Variants in ZMIZ1 observed in about 807,000 individuals in gnomAD.
ZMIZ1 encodes the protein zinc finger MIZ domain-containing protein 1.
A neutral mutation model predicts 113.9 loss-of-function variants in ZMIZ1; 17 were observed. That is an observed-to-expected ratio of 0.15 (90% CI 0.10 to 0.22). The LOEUF is 0.22. Ranked by LOEUF, ZMIZ1 falls within the 10% of genes least tolerant of loss-of-function variation. The pLI, the probability that ZMIZ1 is intolerant of heterozygous loss-of-function variation, is 1.00. For missense variants in ZMIZ1, 1,059 were observed against 1,477.8 expected, an observed-to-expected ratio of 0.72 and a Z score of 4.65; for synonymous variants, 607 against 603.1, an observed-to-expected ratio of 1.01 and a Z score of -0.09.
At chr10:79,253,676 G>T (rs550509333) in intron 7 of ZMIZ1, among the ~76,000 whole-genome samples, 1 of 152,300 alleles carries the variant, frequency 6.6e-6, no homozygotes, top group East Asian at 1.9e-4. Flanking sequence ...CACTGGCAAG[G>T]TCCTGTATCC....
intron 24 of ZMIZ1, 102 bp from the exon 25 acceptor site, chr10:79,312,540 A>T: frequency 8.0e-7 from 1 of 1,255,834 alleles, no homozygotes; most frequent in Non-Finnish European, 1.2e-6. Context: ...GGGTCCTGAG[A>T]GGCAGGTGGA....
In ZMIZ1 at chr10:79,312,842, G is replaced by A. The variant is rs543406128; in HGVS notation, c.*93G>A. 2.6e-5 allele frequency: 32 copies of A among 1,236,742 alleles called. No individual in the cohort carries two copies. Among genetic ancestry groups the A allele is most frequent in the South Asian group, 5.1e-5 (4 of 77,698 alleles). 76.6% of individuals were successfully genotyped at this position (1,236,742 alleles called of 1,614,324 possible). On this transcript the variant is annotated 3_prime_UTR_variant, in exon 25 of 25. Transcript: ENST00000334512. ...ACCTGGGAGCCTGTGCCCTCAGACC[G>A]CCCCGCACCAGAGCCACGGGCTGTG... is the stretch of plus-strand genomic sequence containing the variant.
chr10:79,075,583 A>ACCTG (rs1842444888), intron 1 of ZMIZ1, among the ~76,000 whole-genome samples: 2 of 151,886 alleles, frequency 1.3e-5, no homozygotes, highest in Non-Finnish European at 2.9e-5. Flanking sequence ...ACACATGCAC[A>ACCTG]CATGCACACC....
chr10:79,146,856 G>C (rs1181079475), intron 3 of ZMIZ1, among the ~76,000 whole-genome samples: 1 of 152,238 alleles, frequency 6.6e-6, no homozygotes, highest in African/African-American at 2.4e-5. Flanking sequence ...GGGTGAAGAA[G>C]GGCAGCCGGT....
intron 7 of ZMIZ1, among the ~76,000 whole-genome samples, chr10:79,274,426 G>T (rs543291658): frequency 6.6e-6 from 1 of 152,202 alleles, no homozygotes; most frequent in Non-Finnish European, 1.5e-5. Context: ...GTGTCACTCT[G>T]TCTGTCCTTG....
At chr10:79,071,725 G>C (rs962313165) in intron 1 of ZMIZ1, among the ~76,000 whole-genome samples, 2 of 152,154 alleles carry the variant, frequency 1.3e-5, no homozygotes, top group African/African-American at 4.8e-5. Flanking sequence ...TGAAACATCA[G>C]CATCAAACAA....
At chr10:79,289,736 T>G (rs769086250) in intron 8 of ZMIZ1, 39 bp from the exon 9 acceptor site, 17 of 1,583,344 alleles carry the variant, frequency 1.1e-5, no homozygotes, top group Non-Finnish European at 1.4e-5. Context: ...AGTCTGTGCC[T>G]GCCAGGCCCT....
At chr10:79,100,035 C>G (rs1392786055) in intron 1 of ZMIZ1, among the ~76,000 whole-genome samples, 1 of 152,076 alleles carries the variant, frequency 6.6e-6, no homozygotes, top group Admixed American at 6.5e-5. Flanking sequence ...ACCACACACC[C>G]TGATGCTCAG....
At position 79,216,214 on chromosome 10, in the gene ZMIZ1, G is replaced by A. The variant is rs764206783; in HGVS notation, c.220G>A (p.Gly74Ser). Residue 74 changes from glycine to serine, a missense_variant, in exon 7 of 25, where the codon GGC becomes AGC. Gly to Ser is a moderately conservative substitution (Grantham distance 56). Around this residue, in one of 6 missense-constraint regions of ZMIZ1, gnomAD observed 272 missense variants for 350.4 expected, o/e 0.78. Coordinates refer to ENST00000334512, the MANE Select transcript of ZMIZ1 (RefSeq NM_020338.4). The part of the protein sequence containing the change: ...AAQQGFDLDL[G>S]YRLLAVCAAN... Reference sequence around the variant, plus strand: ...CCAGCAAGGCTTTGACCTGGACCTCGGCTACAGACTGCTGGCTGTGTGTGC... The same window carrying A: ...CCAGCAAGGCTTTGACCTGGACCTCAGCTACAGACTGCTGGCTGTGTGTGC... The A allele has an allele frequency of 3.8e-5, 59 of 1,568,588 alleles. No homozygotes were observed. Among genetic ancestry groups the A allele is most frequent in the Non-Finnish European group, 4.7e-5 (54 of 1,155,990 alleles).
intron 3 of ZMIZ1, among the ~76,000 whole-genome samples, chr10:79,152,048 G>T (rs1031487247): frequency 6.6e-6 from 1 of 152,204 alleles, no homozygotes. Context: ...GAGTAGTCAG[G>T]GGACCGGGCT....
Position 79,285,373 on chromosome 10 carries a change from G to A in ZMIZ1, c.426-4402G>A, listed in dbSNP as rs536823584. 37 of 432,522 alleles carry A rather than the reference G, an allele frequency of 8.6e-5. 1 individual carries two copies. Among genetic ancestry groups the A allele is most frequent in the South Asian group, 5.8e-4 (36 of 61,788 alleles). The allele number at this position is 432,522 out of a possible 1,614,324, so 26.8% of individuals were successfully genotyped here. ...GTGTCCAAGGTGTGCGGGACTCTGG[G>A]CCTCATACATGTTAGGCACTTACAC... On this transcript the variant is annotated intron_variant, in intron 8 of 24. Transcript: ENST00000334512.
At chr10:79,203,798 C>T (rs1469543459) in intron 5 of ZMIZ1, among the ~76,000 whole-genome samples, 5 of 152,232 alleles carry the variant, frequency 3.3e-5, no homozygotes, top group Admixed American at 2.6e-4. Flanking sequence ...CGCTTCACTT[C>T]CCTTCATCTA....
At chr10:79,310,201 C>T (rs898955553) in intron 23 of ZMIZ1, among the ~76,000 whole-genome samples, 3 of 152,198 alleles carry the variant, frequency 2.0e-5, no homozygotes, top group African/African-American at 7.2e-5. Flanking sequence ...CCCTCACAAC[C>T]CTGTGTTTTT....
chr10:79,266,225 A>C (rs1851593561), intron 7 of ZMIZ1, among the ~76,000 whole-genome samples: 1 of 152,262 alleles, frequency 6.6e-6, no homozygotes, highest in South Asian at 2.1e-4. Context: ...AAGTCTTAGG[A>C]GTGGGAGGCA....
chr10:79,138,557 A>G (rs1484731798), intron 2 of ZMIZ1, among the ~76,000 whole-genome samples: 1 of 152,188 alleles, frequency 6.6e-6, no homozygotes, highest in Non-Finnish European at 1.5e-5. Flanking sequence ...AGTGCTAGAA[A>G]GAGAGACAGT....
At chr10:79,261,086 A>G (rs935299454) in intron 7 of ZMIZ1, among the ~76,000 whole-genome samples, 12 of 152,202 alleles carry the variant, frequency 7.9e-5, no homozygotes, top group African/African-American at 2.7e-4. Context: ...GACCCCAGAA[A>G]GGCCCAGACT....
In ZMIZ1 at chr10:79,304,066, A is replaced by G. The variant is rs752281415; in HGVS notation, c.2177A>G (p.Asn726Ser). 2.5e-6 allele frequency: 4 copies of G among 1,614,172 alleles called. No homozygotes were observed. Among genetic ancestry groups the G allele is most frequent in the Non-Finnish European group, 3.4e-6 (4 of 1,180,030 alleles). Residue 726 changes from asparagine to serine, a missense_variant, in exon 19 of 25, where the codon AAC (asparagine) becomes AGC (serine). Physicochemically the swap from Asn to Ser is conservative, Grantham distance 46. Transcript: ENST00000334512. ...GCCTCCTCGGGCAACACGACCCTCA[A>G]CGGGGAGGATGGGGTGGAGCAGACG... ...VAASSGNTTL[N>S]GEDGVEQTAI...
rs74141679 is a variant in ZMIZ1, at chr10:79,098,704, C to T, written c.-336-20211C>T. ...GAACTGAGATTTGAGTGCAGGTGAT[C>T]TCAAAACCTGCGTCTCTAAGCTGCT... is the stretch of plus-strand genomic sequence containing the variant. On this transcript the variant is annotated intron_variant, in intron 1 of 24. Transcript: ENST00000334512. Among the ~76,000 whole-genome samples the T allele has an allele frequency of 7.0e-3, 1,071 of 152,324 alleles. 13 individuals carry two copies. The highest frequency in any genetic ancestry group is 0.025 in the African/African-American group (1,038 of 41,560).
intron 18 of ZMIZ1, 94 bp from the exon 19 acceptor site, chr10:79,303,914 ACATGCCC>A: frequency 6.6e-7 from 1 of 1,504,096 alleles, no homozygotes; most frequent in Non-Finnish European, 9.0e-7. Flanking sequence ...GAGAACCAGG[ACATGCCC>A]CAGCTGCACG....
Sources: gnomAD v4.1 joint callset for allele counts (sites outside exome capture counted in the v4.1 genomes callset) on GRCh38, gnomAD v4.1.1 for gene constraint, gnomAD v4.1.1 regional missense constraint, MANE v1.5 for transcripts, NCBI Gene and HGNC (gene_info 2026-07-23, HGNC 2026-07-21) for gene names.